Variants in OTOP1 observed in about 807,000 individuals in gnomAD.
OTOP1 encodes otopetrin 1.
A neutral mutation model predicts 52.9 loss-of-function variants in OTOP1; 59 were observed. That is an observed-to-expected ratio of 1.12 (90% CI 0.91 to 1.39). The LOEUF is 1.39. OTOP1 is among the 40% of genes most tolerant of loss of function. The pLI is 0.00. For missense variants in OTOP1, 761 were observed against 800.9 expected, an observed-to-expected ratio of 0.95 and a Z score of 0.60; for synonymous variants, 317 against 337.7, an observed-to-expected ratio of 0.94 and a Z score of 0.67.
At position 4,205,920 on chromosome 4, in the gene OTOP1, T is replaced by C. The variant is rs1716896363; in HGVS notation, c.599+152A>G. The C allele has an allele frequency of 8.8e-5, 61 of 691,742 alleles. No homozygotes were observed. In the South Asian group the frequency reaches 9.0e-4, roughly 10 times the overall value. 42.9% of individuals were successfully genotyped at this position (691,742 alleles called of 1,614,324 possible). A position where few individuals can be genotyped will look rare whatever the true frequency, so the allele number is the denominator to read the frequency against. The stretch of plus-strand genomic sequence containing the variant: ...ATGGAGAAGCCAAAAGCAGTGACCC[T>C]CTTCTCTCAGCCACAAGTGAGAGCT... On this transcript the variant is annotated intron_variant, in intron 3 of 5. Transcript: ENST00000296358.
intron 5 of OTOP1, among the ~76,000 whole-genome samples, chr4:4,194,234 C>T (rs369792975): frequency 1.3e-5 from 2 of 152,290 alleles, no homozygotes; most frequent in East Asian, 3.9e-4. Context: ...GTACAAAAAG[C>T]ATATGCTTGA....
chr4:4,223,999 GAAGA>G (rs1433666391), intron 1 of OTOP1, among the ~76,000 whole-genome samples: 2 of 151,660 alleles, frequency 1.3e-5, no homozygotes, highest in East Asian at 3.9e-4. Context: ...ATGGAGGAAG[GAAGA>G]GAGGAAGGAA....
intron 1 of OTOP1, among the ~76,000 whole-genome samples, chr4:4,221,056 T>C (rs1230558187): frequency 8.2e-6 from 1 of 122,388 alleles, no homozygotes; most frequent in African/African-American, 4.2e-5. Context: ...TTTTATTTTA[T>C]TTTATTTTAT....
chr4:4,193,903 T>C (rs978890144), intron 5 of OTOP1, among the ~76,000 whole-genome samples: 10 of 152,146 alleles, frequency 6.6e-5, no homozygotes, highest in Non-Finnish European at 1.5e-4. Context: ...AAAAAATATA[T>C]TAGGCCAGGA....
intron 3 of OTOP1, among the ~76,000 whole-genome samples, chr4:4,202,907 C>A (rs1376113218): frequency 1.3e-5 from 2 of 152,216 alleles, no homozygotes. Flanking sequence ...CACCCCACCA[C>A]ACCCCAAATC....
Position 4,197,873 on chromosome 4 carries a change from C to T in OTOP1, c.961G>A (p.Val321Met), listed in dbSNP as rs140788465. 119 of 1,614,076 alleles carry T rather than the reference C, an allele frequency of 7.4e-5. No individual in the cohort carries two copies. The highest frequency in any genetic ancestry group is 4.4e-4 in the African/African-American group (33 of 74,992). ...ACCACAGCAATGGTGGCGGCCAGCACGGTCAGGCCCAGGACTGCGCCCACC... is the reference window on the plus strand; with the variant it reads ...ACCACAGCAATGGTGGCGGCCAGCATGGTCAGGCCCAGGACTGCGCCCACC... ...VMVGAVLGLT[V>M]LAATIAVVVV... Residue 321 changes from valine to methionine, a missense_variant, in exon 5 of 6, where the codon GTG becomes ATG. Coordinates refer to ENST00000296358, the MANE Select transcript of OTOP1 (RefSeq NM_177998.3).
intron 5 of OTOP1, among the ~76,000 whole-genome samples, chr4:4,196,830 G>T (rs1716638536): frequency 1.3e-5 from 2 of 152,200 alleles, no homozygotes; most frequent in African/African-American, 4.8e-5. Flanking sequence ...GGATAGAACT[G>T]GAGGCCTTAT....
chr4:4,202,988 G>C (rs567373206), intron 3 of OTOP1, among the ~76,000 whole-genome samples: 24 of 152,342 alleles, frequency 1.6e-4, no homozygotes, highest in African/African-American at 5.1e-4. Flanking sequence ...TGGAAATCTG[G>C]AGAGCAGGTC....
chr4:4,226,501 G>T lies in OTOP1; in HGVS notation c.364C>A (p.Arg122Ser), dbSNP rs748107101. The T allele has an allele frequency of 4.4e-6, 7 of 1,578,928 alleles. No homozygotes were observed. The highest frequency in any genetic ancestry group is 1.7e-6 in the Non-Finnish European group (2 of 1,169,990). ...GCACCCGCGTGCGTGTCCTTGAGGC[G>T]GAAGAGGCGGCGGTGCGCGGAGCTG... ...GRSSAHRRLF[R>S]LKDTHAGAGW... Residue 122 changes from arginine to serine, a missense_variant, in exon 1 of 6, where the codon CGC (arginine) becomes AGC (serine). This residue lies in a region of OTOP1 where 56 missense variants were observed against 105.6 expected (regional missense o/e 0.53). Transcript: ENST00000296358.
intron 5 of OTOP1, among the ~76,000 whole-genome samples, chr4:4,191,298 C>T (rs2980111): frequency 0.29 from 44,060 of 152,064 alleles, 6,849 homozygotes; most frequent in African/African-American, 0.37. Flanking sequence ...ATGGCGGTGG[C>T]CCCCTGCCTG....
At chr4:4,192,275 C>T (rs762228370) in intron 5 of OTOP1, among the ~76,000 whole-genome samples, 7 of 152,100 alleles carry the variant, frequency 4.6e-5, no homozygotes, top group Non-Finnish European at 1.0e-4. Context: ...AGTCAAGAGT[C>T]CCGGCTGAGC....
intron 5 of OTOP1, among the ~76,000 whole-genome samples, 162 bp downstream of exon 5, chr4:4,197,004 A>G (rs1048445463): frequency 6.6e-6 from 1 of 152,132 alleles, no homozygotes; most frequent in Admixed American, 6.5e-5. Context: ...AAAACTACCT[A>G]TCGGGCACTA....
chr4:4,190,030 A>G (rs556126212), intron 5 of OTOP1, among the ~76,000 whole-genome samples: 32 of 152,338 alleles, frequency 2.1e-4, no homozygotes, highest in Non-Finnish European at 3.4e-4. Flanking sequence ...TAAGTTGCTG[A>G]GTATTGGGGT....
At chr4:4,220,043 A>G (rs1275580328) in intron 1 of OTOP1, among the ~76,000 whole-genome samples, 1 of 59,316 alleles carries the variant, frequency 1.7e-5, no homozygotes, top group Admixed American at 1.2e-4. Flanking sequence ...ATATGTATAC[A>G]TATATACATA....
At chr4:4,222,121 G>A (rs1293720493) in intron 1 of OTOP1, among the ~76,000 whole-genome samples, 1 of 152,202 alleles carries the variant, frequency 6.6e-6, no homozygotes, top group East Asian at 1.9e-4. Flanking sequence ...AGGAGCTCAG[G>A]ATACAACGGT....
chr4:4,213,124 C>T (rs1717061850), intron 1 of OTOP1, 120 bp from the exon 2 acceptor site: 1 of 1,285,770 alleles, frequency 7.8e-7, no homozygotes, highest in South Asian at 1.5e-5. Context: ...AATGATTTTT[C>T]ACAAGGGTGC....
rs377576445 is a variant in OTOP1 at position 4,202,478 on chromosome 4, T to A, written c.700A>T (p.Ile234Phe). 1 of 1,613,926 alleles carries A rather than the reference T, an allele frequency of 6.2e-7. No homozygotes were observed. The highest frequency in any genetic ancestry group is 1.3e-5 in the African/African-American group (1 of 74,918). ...GTTATGTTCCCAAAACCCAGAGTGA[T>A]GAGCCGTTCCTTGTGCTCATTGAGT... ...HQLNEHKERL[I>F]TLGFGNITTV... The change falls in exon 4 of 6, where the codon ATC (isoleucine) becomes TTC (phenylalanine). Residue 234 changes from isoleucine to phenylalanine, a missense_variant. Physicochemically the swap from Ile to Phe is conservative, Grantham distance 21. Coordinates refer to ENST00000296358, the MANE Select transcript of OTOP1 (RefSeq NM_177998.3).
At position 4,202,976 on chromosome 4, in the gene OTOP1, A is replaced by C. The variant is rs377382695; in HGVS notation, c.600-398T>G. ...AATGAGGGAAAGATGAAAGAGTACC[A>C]CTGGAAATCTGGAGAGCAGGTCCAC... is the stretch of plus-strand genomic sequence containing the variant. On this transcript the variant is annotated intron_variant, in intron 3 of 5. Coordinates refer to ENST00000296358, the MANE Select transcript of OTOP1 (RefSeq NM_177998.3). Among the ~76,000 whole-genome samples the C allele has an allele frequency of 1.3e-3, 200 of 152,336 alleles. 3 individuals are homozygous for C. In the South Asian group the frequency reaches 0.039, roughly 30 times the overall value.
At chr4:4,200,723 CTT>C (rs55863617) in intron 4 of OTOP1, among the ~76,000 whole-genome samples, 2 of 106,516 alleles carry the variant, frequency 1.9e-5, no homozygotes, top group African/African-American at 3.7e-5. Flanking sequence ...GCATGCCTGC[CTT>C]TTTTTTTTTT....
Sources: allele counts gnomAD v4.1 joint callset (sites outside exome capture counted in the v4.1 genomes callset), GRCh38; gene constraint gnomAD v4.1.1; regional missense constraint gnomAD v4.1.1; transcripts MANE v1.5; gene names NCBI Gene and HGNC (gene_info 2026-07-23, HGNC 2026-07-21).